The following CTPS1 variants were observed in gnomAD, a reference collection of about 807,000 sequenced individuals.
The protein encoded by CTPS1 is CTP synthase 1, also known as CTP synthetase 1.
Under a neutral mutation model 80.5 loss-of-function variants are expected in CTPS1, and 25 were observed. The observed-to-expected ratio is 0.31, with a 90% CI of 0.23 to 0.43. The LOEUF (loss-of-function observed/expected upper bound fraction) is 0.43, where lower values mean the gene tolerates loss of function less well. Among genes scored for constraint, CTPS1 ranks in the 20% least tolerant of loss-of-function variants. The pLI, the probability that CTPS1 is intolerant of heterozygous loss-of-function variation, is 1.00. For synonymous variants in CTPS1, 267 were observed against 252.5 expected, an observed-to-expected ratio of 1.06 and a Z score of -0.54; for missense variants, 442 against 725.7, an observed-to-expected ratio of 0.61 and a Z score of 4.49.
Position 40,997,380 on chromosome 1 carries a change from C to T in CTPS1, c.873-14C>T, listed in dbSNP as rs750105098. 15 of 1,608,272 alleles carry T rather than the reference C, an allele frequency of 9.3e-6. No homozygotes were observed. Among genetic ancestry groups the T allele is most frequent in the East Asian group, 2.2e-5 (1 of 44,792 alleles). On this transcript the variant is annotated splice_polypyrimidine_tract_variant and intron_variant, in intron 8 of 18. Coordinates refer to ENST00000650070, the MANE Select transcript of CTPS1 (RefSeq NM_001905.4). ...TTCTGAGTAATTGGGTTTTTCTTGA[C>T]GTTTATTTGATAGATATGATCGCTT...
At chr1:40,991,595 T>A (rs890978934) in intron 6 of CTPS1, among the ~76,000 whole-genome samples, 170 bp from the exon 7 acceptor site, 1 of 152,204 alleles carries the variant, frequency 6.6e-6, no homozygotes, top group Admixed American at 6.5e-5. Context: ...GTTTACGGAT[T>A]TTAGCTTTGA....
At position 40,995,841 on chromosome 1, in the gene CTPS1, G is replaced by C. The variant is rs12047657; in HGVS notation, c.721-76G>C. The C allele has an allele frequency of 0.11, 158,581 of 1,405,310 alleles. 10,547 individuals carry two copies. Among genetic ancestry groups the C allele is most frequent in the East Asian group, 0.26 (11,385 of 43,306 alleles). The allele number at this position is 1,405,310 out of a possible 1,614,324, so 87.1% of individuals were successfully genotyped here. A position where few individuals can be genotyped will look rare whatever the true frequency, so the allele number is the denominator to read the frequency against. ...TTTCAAATACATAATATTTTTACAA[G>C]GTCACGTAGCTAGTAGGAGGCTGTA... On this transcript the variant is annotated intron_variant, in intron 7 of 18. Transcript: ENST00000650070.
chr1:41,005,413 G>A (rs1213110769), intron 12 of CTPS1, among the ~76,000 whole-genome samples: 1 of 151,692 alleles, frequency 6.6e-6, no homozygotes, highest in Non-Finnish European at 1.5e-5. Flanking sequence ...TTGCACTCCA[G>A]CCTGCCCACA....
rs1643027001 is a variant in CTPS1 at position 41,006,109 on chromosome 1, T to C, written c.1296+15T>C. 1.2e-6 allele frequency: 2 copies of C among 1,610,158 alleles called. No individual in the cohort carries two copies. The highest frequency in any genetic ancestry group is 1.7e-5 in the Admixed American group (1 of 60,018). ...GTCATCCCGTGGTGAGTCAAGTGTT[T>C]GAACCTCCACAGGGCTTAGAAGGGT... On this transcript the variant is annotated intron_variant, in intron 13 of 18. Coordinates refer to ENST00000650070, the MANE Select transcript of CTPS1 (RefSeq NM_001905.4).
At chr1:41,009,300 G>T (rs1235893536) in intron 16 of CTPS1, 145 bp from the exon 17 acceptor site, 8 of 846,908 alleles carry the variant, frequency 9.4e-6, no homozygotes, top group African/African-American at 8.6e-5. Context: ...ATGCTTTGAG[G>T]TTCCCTTTAT....
Position 41,007,378 on chromosome 1 carries a change from T to G in CTPS1, c.1297-71T>G, listed in dbSNP as rs1435999454. 1.5e-6 allele frequency: 2 copies of G among 1,317,822 alleles called. No individual in the cohort carries two copies. Among genetic ancestry groups the G allele is most frequent in the Non-Finnish European group, 2.2e-6 (2 of 917,420 alleles). The allele number at this position is 1,317,822 out of a possible 1,614,324, so 81.6% of individuals were successfully genotyped here. On this transcript the variant is annotated intron_variant, in intron 13 of 18. Transcript: ENST00000650070. This position sits in a 1 kb window ranked among gnomAD's most constrained non-coding sequence, Gnocchi z 4.4. ...TTACTTACAAGCCTTTGCCACCCAC[T>G]CAGCGAGGGAGGTTTCTCTCTAGCG...
intron 12 of CTPS1, 63 bp downstream of exon 12, chr1:41,003,239 T>G: frequency 1.6e-5 from 25 of 1,568,600 alleles, no homozygotes; most frequent in Non-Finnish European, 2.2e-5. Flanking sequence ...ATATGAGGCC[T>G]GTTGCCGCCT....
chr1:40,996,117 G>A (rs759967628), intron 8 of CTPS1, 49 bp downstream of exon 8: 15 of 1,608,856 alleles, frequency 9.3e-6, no homozygotes, highest in African/African-American at 1.3e-5. Context: ...TTACTCTTTT[G>A]TAGGGCTGGT....
In CTPS1 at chr1:41,003,123, T is replaced by A; in HGVS notation, c.1199T>A (p.Leu400Ter). The part of the protein sequence containing the change: ...NQKKPFLGVC[L>*]GMQLAVVEFS... The stretch of plus-strand genomic sequence containing the variant: ...TCCCCCCGACTGGAAGGCGTGTGCT[T>A]AGGGATGCAGTTGGCAGTGGTTGAA... Residue 400 changes from leucine to a stop codon, truncating the protein, a stop_gained, in exon 12 of 19, where the codon TTA becomes TAA. Transcript: ENST00000650070. LOFTEE classifies it high-confidence loss of function. 6.2e-7 allele frequency: 1 copy of A among 1,614,136 alleles called. No homozygotes were observed. The highest frequency in any genetic ancestry group is 2.2e-5 in the East Asian group (1 of 44,886).
At chr1:40,987,066 A>G (rs1434746597) in intron 3 of CTPS1, among the ~76,000 whole-genome samples, 1 of 152,160 alleles carries the variant, frequency 6.6e-6, no homozygotes, top group Non-Finnish European at 1.5e-5. Flanking sequence ...AGGGTTGGCT[A>G]TACTGGTGTG....
chr1:41,007,535 C>G lies in CTPS1; in HGVS notation c.1383C>G (p.Asn461Lys). Residue 461 changes from asparagine to lysine, a missense_variant, in exon 14 of 19, where the codon AAC (asparagine) becomes AAG (lysine). Asn to Lys is a moderately conservative substitution (Grantham distance 94, BLOSUM62 0). Around this residue, in one of 4 missense-constraint regions of CTPS1, gnomAD observed 321 missense variants for 467.2 expected, o/e 0.69. Coordinates refer to ENST00000650070, the MANE Select transcript of CTPS1 (RefSeq NM_001905.4). The surrounding 1 kb of genome is among the most constrained non-coding windows in gnomAD (Gnocchi z 4.4). ...GGAGAACCCTGTTCCAGACCAAGAA[C>G]TCAGTCATGAGTAAGAGCTGCCTCA... ...GKRRTLFQTKNSVMRKLYGDA... is the reference protein window; with the variant it reads ...GKRRTLFQTKKSVMRKLYGDA... The G allele has an allele frequency of 6.2e-7, 1 of 1,614,050 alleles. No individual in the cohort carries two copies. Among genetic ancestry groups the G allele is most frequent in the Non-Finnish European group, 8.5e-7 (1 of 1,179,992 alleles).
In CTPS1 at chr1:40,991,771, T is replaced by C; in HGVS notation, c.646T>C (p.Cys216Arg). 1 of 1,613,108 alleles carries C rather than the reference T, an allele frequency of 6.2e-7. No individual in the cohort carries two copies. Among genetic ancestry groups the C allele is most frequent in the Non-Finnish European group, 8.5e-7 (1 of 1,179,020 alleles). ...TCTTGTTCTCTACTGCTAGGTTGTA[T>C]GCAGGTGCTCAAATCCACTTGACAC... ...GLGLSPDLVV[C>R]RCSNPLDTSV... Residue 216 changes from cysteine (C) to arginine (R), a missense_variant, in exon 7 of 19, where the codon TGC becomes CGC. This residue lies in a region of CTPS1 where 321 missense variants were observed against 467.2 expected (regional missense o/e 0.69). Transcript: ENST00000650070.
intron 7 of CTPS1, among the ~76,000 whole-genome samples, chr1:40,995,552 C>G (rs1570959886): frequency 1.3e-5 from 2 of 152,272 alleles, no homozygotes; most frequent in African/African-American, 2.4e-5. Context: ...ACATGCCCAC[C>G]ATGCCTGGCT....
At chr1:40,980,079 G>A (rs1651790926) in intron 1 of CTPS1, 1 of 151,012 alleles carries the variant, frequency 6.6e-6, no homozygotes, top group African/African-American at 2.4e-5. Flanking sequence ...GGGGAGAGGG[G>A]CCAAGCGGGG....
At chr1:41,005,572 A>C (rs998407524) in intron 12 of CTPS1, among the ~76,000 whole-genome samples, 1 of 152,156 alleles carries the variant, frequency 6.6e-6, no homozygotes, top group African/African-American at 2.4e-5. Flanking sequence ...CTTAACGTAA[A>C]AAAATTCACG....
chr1:41,008,335 G>A (rs1175501721), intron 14 of CTPS1, among the ~76,000 whole-genome samples: 1 of 152,170 alleles, frequency 6.6e-6, no homozygotes, highest in Non-Finnish European at 1.5e-5. Context: ...CCAGGGCCTT[G>A]CCGTTTCGTA....
intron 12 of CTPS1, among the ~76,000 whole-genome samples, 182 bp from the exon 13 acceptor site, chr1:41,005,869 A>G (rs1643020773): frequency 1.3e-5 from 2 of 152,108 alleles, no homozygotes. Flanking sequence ...GCACCACTGC[A>G]CTCCAGCCTG....
intron 9 of CTPS1, among the ~76,000 whole-genome samples, chr1:40,999,979 C>T (rs777400859): frequency 1.3e-4 from 19 of 151,870 alleles, no homozygotes; most frequent in African/African-American, 2.7e-4. Context: ...GCGAGACCCC[C>T]GTCTCTGCAA....
chr1:41,002,860 G>A (rs1442151334), intron 11 of CTPS1, among the ~76,000 whole-genome samples: 2 of 152,108 alleles, frequency 1.3e-5, no homozygotes, highest in African/African-American at 4.8e-5. Flanking sequence ...AAAAAGTACT[G>A]AATAGAATAT....
Sources: allele counts gnomAD v4.1 joint callset (sites outside exome capture counted in the v4.1 genomes callset), GRCh38; gene constraint gnomAD v4.1.1; regional missense constraint gnomAD v4.1.1; non-coding constraint Gnocchi (gnomAD v3.1); transcripts MANE v1.5; gene names NCBI Gene and HGNC (gene_info 2026-07-23, HGNC 2026-07-21).